The following DNAH5 variants were observed in gnomAD, a reference collection of about 807,000 sequenced individuals.
DNAH5 encodes axonemal beta dynein heavy chain 5.
Under a neutral mutation model 518.2 loss-of-function variants are expected in DNAH5, and 372 were observed. That is an observed-to-expected ratio of 0.72 (90% confidence interval 0.66 to 0.78). The LOEUF is 0.78. Among genes scored for constraint, DNAH5 ranks in the 30% least tolerant of loss-of-function variants. DNAH5 has a pLI of 0.00. For synonymous variants in DNAH5, 2,039 were observed against 2,025.9 expected (o/e 1.01, Z -0.17); for missense variants, 5,523 against 5,687.0 (o/e 0.97, Z 0.93).
At chr5:13,793,301 T>C (rs987463517) in intron 49 of DNAH5, among the ~76,000 whole-genome samples, 1 of 152,112 alleles carries the variant, frequency 6.6e-6, no homozygotes, top group Non-Finnish European at 1.5e-5. Context: ...AAGAAAACCA[T>C]AAATGGAAAA....
At chr5:13,933,918 A>G (rs1301238198) in intron 1 of DNAH5, among the ~76,000 whole-genome samples, 1 of 152,150 alleles carries the variant, frequency 6.6e-6, no homozygotes, top group African/African-American at 2.4e-5. Flanking sequence ...GGTTGGGTTA[A>G]TTAGGATATC....
intron 43 of DNAH5, among the ~76,000 whole-genome samples, chr5:13,814,111 T>C (rs564920651): frequency 6.6e-6 from 1 of 152,202 alleles, no homozygotes; most frequent in East Asian, 1.9e-4. Context: ...TATGAATTGA[T>C]GAGATGTTAT....
At chr5:13,745,875 A>G (rs1465142254) in intron 65 of DNAH5, among the ~76,000 whole-genome samples, 3 of 152,106 alleles carry the variant, frequency 2.0e-5, no homozygotes, top group Non-Finnish European at 4.4e-5. Context: ...TAATCACCCA[A>G]GAAGTGAGAT....
intron 53 of DNAH5, among the ~76,000 whole-genome samples, chr5:13,777,879 T>G (rs1326799070): frequency 6.6e-6 from 1 of 152,178 alleles, no homozygotes; most frequent in Non-Finnish European, 1.5e-5. Context: ...GAGCAATCAG[T>G]ACACTGTACT....
At chr5:13,759,099 TC>T in intron 60 of DNAH5, 116 bp from the exon 61 acceptor site, 1 of 1,370,456 alleles carries the variant, frequency 7.3e-7, no homozygotes, top group South Asian at 1.2e-5. Flanking sequence ...TTGTTCCCGC[TC>T]CAGAATCCTT....
intron 6 of DNAH5, among the ~76,000 whole-genome samples, chr5:13,919,999 T>A (rs1777083034): frequency 6.6e-6 from 1 of 152,222 alleles, no homozygotes; most frequent in Admixed American, 6.5e-5. Flanking sequence ...TGGCTATTCA[T>A]TTACTCTATA....
Position 13,930,041 on chromosome 5 carries a change from A to G in DNAH5, c.192+1069T>C, listed in dbSNP as rs77987183. 8.2e-3 allele frequency among the ~76,000 whole-genome samples: 1,247 copies of G among 152,326 alleles called. 19 individuals carry two copies. Among genetic ancestry groups the G allele is most frequent in the African/African-American group, 0.028 (1,169 of 41,576 alleles). On this transcript the variant is annotated intron_variant, in intron 2 of 78. Transcript: ENST00000265104. ...GGGACCGACACATGGTAAACATTCAATAAGTGTCAGCTATGAGGAGAAGGA... is the reference window on the plus strand; with the variant it reads ...GGGACCGACACATGGTAAACATTCAGTAAGTGTCAGCTATGAGGAGAAGGA...
At chr5:13,746,978 T>G (rs10079427) in intron 65 of DNAH5, among the ~76,000 whole-genome samples, 1 of 152,144 alleles carries the variant, frequency 6.6e-6, no homozygotes. Context: ...CATGTTGGTG[T>G]GCTGCACCCA....
intron 41 of DNAH5, among the ~76,000 whole-genome samples, chr5:13,818,896 G>A (rs922861183): frequency 6.6e-5 from 10 of 152,174 alleles, no homozygotes; most frequent in African/African-American, 1.9e-4. Flanking sequence ...CATTTTCAGT[G>A]AGAAACAATG....
In DNAH5 at chr5:13,928,107, C is replaced by T. The variant is rs766185719; in HGVS notation, c.264G>A (p.Glu88=). 5.6e-6 allele frequency: 9 copies of T among 1,613,434 alleles called. No homozygotes were observed. In the South Asian group the frequency reaches 8.8e-5, roughly 16 times the overall value. The change falls in exon 3 of 79, where the codon GAG becomes GAA. Residue 88 remains glutamate (E), a synonymous_variant. Transcript: ENST00000265104. ...AAATTCAGATACCTGTTTCTGCTTC[C>T]TCCACATCTTGATAGTAAAACATGA... The part of the protein sequence containing the change: ...RHLMFYYQDV[E]EAETGQLGSL...
Position 13,781,017 on chromosome 5 carries a change from C to A in DNAH5, c.8821-58G>T, listed in dbSNP as rs1755041574. The A allele has an allele frequency of 1.9e-6, 3 of 1,586,546 alleles. No individual in the cohort carries two copies. The African/African-American group carries it at 4.1e-5, about 21-fold the overall frequency. On this transcript the variant is annotated intron_variant, in intron 52 of 78. Coordinates refer to ENST00000265104, the MANE Select transcript of DNAH5 (RefSeq NM_001369.3). ...TCAACATGTAAATGTTCTATTTTTCCTATTTATTCAATATATGAATAAGGC... is the reference window on the plus strand; with the variant it reads ...TCAACATGTAAATGTTCTATTTTTCATATTTATTCAATATATGAATAAGGC...
intron 47 of DNAH5, among the ~76,000 whole-genome samples, chr5:13,800,744 C>T (rs906917740): frequency 1.1e-4 from 16 of 152,188 alleles, no homozygotes; most frequent in African/African-American, 3.4e-4. Context: ...TAAAGAATCA[C>T]GGATCATCTG....
Position 13,866,185 on chromosome 5 carries a change from A to G in DNAH5, c.4116+35T>C, listed in dbSNP as rs373924612. 5.7e-6 allele frequency: 9 copies of G among 1,591,268 alleles called. No individual in the cohort carries two copies. The African/African-American group carries it at 9.4e-5, about 17-fold the overall frequency. On this transcript the variant is annotated intron_variant, in intron 26 of 78. Transcript: ENST00000265104. ...TGTGTTTAAAACACAACAAAGTTTC[A>G]TTGTTTAGAAAGTCATAGAAACTAA...
intron 55 of DNAH5, among the ~76,000 whole-genome samples, chr5:13,776,063 T>C (rs187919347): frequency 1.3e-5 from 2 of 151,384 alleles, no homozygotes; most frequent in East Asian, 3.9e-4. Context: ...AAGGAAGCAC[T>C]AATGGTCCAT....
At chr5:13,769,720 G>T (rs767568804) in intron 56 of DNAH5, 105 bp from the exon 57 acceptor site, 19 of 992,722 alleles carry the variant, frequency 1.9e-5, no homozygotes, top group African/African-American at 3.2e-5. Context: ...TCTGAAGATT[G>T]CATGTATGCA....
rs1777879086 is a variant in DNAH5, at chr5:13,926,446, A to T, written c.277+1648T>A. ...CACTTTAGTTAAGCTGATGTGGACA[A>T]GGGGTAGAAGACGAAGGTAGGGAGA... is the stretch of plus-strand genomic sequence containing the variant. On this transcript the variant is annotated intron_variant, in intron 3 of 78. Coordinates refer to ENST00000265104, the MANE Select transcript of DNAH5 (RefSeq NM_001369.3). 2.0e-5 allele frequency among the ~76,000 whole-genome samples: 3 copies of T among 152,190 alleles called. No individual in the cohort carries two copies. The South Asian group carries it at 6.2e-4, about 32-fold the overall frequency.
rs968705039 is a variant in DNAH5 at position 13,900,251 on chromosome 5, G to T, written c.2214C>A (p.Leu738=). 6.2e-7 allele frequency: 1 copy of T among 1,614,144 alleles called. No homozygotes were observed. Reference sequence around the variant, plus strand: ...TTTTGTATCTATCTCGTTTCTGGAAGAGGGAAGTTGCCAGTGGAGAGACTT... The same window carrying T: ...TTTTGTATCTATCTCGTTTCTGGAATAGGGAAGTTGCCAGTGGAGAGACTT... ...GLEVSPLATS[L]FQKRDRYKRN... Residue 738 remains leucine (L), a synonymous_variant, in exon 15 of 79, where the codon CTC becomes CTA. Coordinates refer to ENST00000265104, the MANE Select transcript of DNAH5 (RefSeq NM_001369.3).
At chr5:13,880,983 G>C (rs1251343758) in intron 21 of DNAH5, among the ~76,000 whole-genome samples, 1 of 151,560 alleles carries the variant, frequency 6.6e-6, no homozygotes, top group South Asian at 2.1e-4. Context: ...AAAGTGAAGG[G>C]ATGAAAAAAT....
chr5:13,785,810 C>A (rs1049939947), intron 52 of DNAH5, among the ~76,000 whole-genome samples: 1 of 152,144 alleles, frequency 6.6e-6, no homozygotes, highest in Non-Finnish European at 1.5e-5. Flanking sequence ...ATAATGTCCT[C>A]AAGGCTTATG....
Sources: allele counts gnomAD v4.1 joint callset (sites outside exome capture counted in the v4.1 genomes callset), GRCh38; gene constraint gnomAD v4.1.1; transcripts MANE v1.5; gene names NCBI Gene and HGNC (gene_info 2026-07-23, HGNC 2026-07-21).